Variants in SLC44A5 observed in about 807,000 individuals in gnomAD.
The protein encoded by SLC44A5 is solute carrier family 44 member 5, also known as choline transporter-like protein 5.
In SLC44A5, 57 loss-of-function variants were observed where a neutral mutation model predicts 101.8. The ratio of observed to expected loss-of-function variants is 0.56; its 90% CI spans 0.45 to 0.70. SLC44A5 has a LOEUF of 0.70. Ranked by LOEUF, SLC44A5 falls within the 30% of genes least tolerant of loss-of-function variation. The pLI is 0.00. For missense variants in SLC44A5, 737 were observed against 853.1 expected (o/e 0.86, Z 1.70); for synonymous variants, 281 against 290.9 (o/e 0.97, Z 0.35).
chr1:75,655,377 C>T, the SLC44A5 span, among the ~76,000 whole-genome samples: 1 of 152,154 alleles, frequency 6.6e-6, no homozygotes, highest in Non-Finnish European at 1.5e-5. Context: ...TTTAGGCTAG[C>T]CCTGGGGCAG....
intron 13 of SLC44A5, among the ~76,000 whole-genome samples, chr1:75,226,560 T>C (rs1647199473): frequency 6.6e-6 from 1 of 152,104 alleles, no homozygotes; most frequent in Admixed American, 6.6e-5. Flanking sequence ...TATCCTTGAA[T>C]GAAGTGGCAA....
intron 7 of SLC44A5, among the ~76,000 whole-genome samples, chr1:75,248,244 G>C (rs992063640): frequency 1.3e-5 from 2 of 152,106 alleles, no homozygotes; most frequent in African/African-American, 4.8e-5. Context: ...GCCTCACTAA[G>C]AAGGTAACAT....
At chr1:75,231,373 C>A (rs1035926574) in intron 12 of SLC44A5, among the ~76,000 whole-genome samples, 6 of 152,144 alleles carry the variant, frequency 3.9e-5, no homozygotes, top group African/African-American at 1.4e-4. Flanking sequence ...TTATATAAAA[C>A]AATACAGCGC....
intron 3 of SLC44A5, among the ~76,000 whole-genome samples, chr1:75,376,144 C>T (rs1244131568): frequency 2.0e-5 from 3 of 152,228 alleles, no homozygotes; most frequent in Admixed American, 6.5e-5. Flanking sequence ...TAAAAAACGG[C>T]GCACGACGAG....
At chr1:75,344,533 C>G (rs1658110146) in intron 3 of SLC44A5, among the ~76,000 whole-genome samples, 1 of 152,030 alleles carries the variant, frequency 6.6e-6, no homozygotes, top group South Asian at 2.1e-4. Flanking sequence ...AATGTGATCA[C>G]AAGGGTACTT....
chr1:75,593,008 A>T (rs1674436134), intron 1 of SLC44A5, among the ~76,000 whole-genome samples: 1 of 152,154 alleles, frequency 6.6e-6, no homozygotes, highest in African/African-American at 2.4e-5. Context: ...TATTAAGTTT[A>T]AAAGTTTCTG....
chr1:75,643,791 T>C, the SLC44A5 span, among the ~76,000 whole-genome samples: 5 of 152,254 alleles, frequency 3.3e-5, no homozygotes, highest in Non-Finnish European at 5.9e-5. Flanking sequence ...TCCTCAGCCA[T>C]GTGGGACTGT....
chr1:75,660,000 T>TA, the SLC44A5 span, among the ~76,000 whole-genome samples: 28 of 152,232 alleles, frequency 1.8e-4, 1 homozygote, highest in East Asian at 4.3e-3. Flanking sequence ...GGCTAGGAGT[T>TA]AGAGACCAGC....
intron 5 of SLC44A5, among the ~76,000 whole-genome samples, chr1:75,279,143 T>C (rs1282066581): frequency 1.3e-5 from 2 of 152,210 alleles, no homozygotes; most frequent in African/African-American, 2.4e-5. Context: ...GATACTAAAA[T>C]TTATTCCTTT....
intron 1 of SLC44A5, among the ~76,000 whole-genome samples, chr1:75,563,444 C>A (rs1246917454): frequency 6.6e-6 from 1 of 151,924 alleles, no homozygotes; most frequent in African/African-American, 2.4e-5. Flanking sequence ...ACATACTCTG[C>A]ATGCCAAAAT....
chr1:75,261,029 G>A (rs968215674), intron 6 of SLC44A5, among the ~76,000 whole-genome samples: 12 of 151,676 alleles, frequency 7.9e-5, no homozygotes, highest in South Asian at 2.1e-4. Flanking sequence ...AAAGCAGTCT[G>A]TAGAGGGACA....
intron 2 of SLC44A5, among the ~76,000 whole-genome samples, chr1:75,412,821 T>A (rs936686385): frequency 3.3e-5 from 5 of 152,176 alleles, no homozygotes; most frequent in Non-Finnish European, 7.3e-5. Context: ...ATGCTATCTA[T>A]GCAACCCACT....
chr1:75,406,616 G>C (rs886102456), intron 2 of SLC44A5, among the ~76,000 whole-genome samples: 14 of 152,078 alleles, frequency 9.2e-5, no homozygotes, highest in African/African-American at 2.9e-4. Context: ...AAAAGCACAC[G>C]ATTATCTTAA....
At chr1:75,328,931 C>A (rs1446330443) in intron 4 of SLC44A5, among the ~76,000 whole-genome samples, 2 of 152,180 alleles carry the variant, frequency 1.3e-5, no homozygotes. Flanking sequence ...ATGCAGACAG[C>A]CTCCTGTCTC....
chr1:75,633,036 A>G, the SLC44A5 span, among the ~76,000 whole-genome samples: 1 of 152,182 alleles, frequency 6.6e-6, no homozygotes, highest in Non-Finnish European at 1.5e-5. Flanking sequence ...TGGAAAAGCT[A>G]TACACACACT....
intron 11 of SLC44A5, among the ~76,000 whole-genome samples, chr1:75,234,405 G>A (rs1647881751): frequency 6.6e-6 from 1 of 152,012 alleles, no homozygotes; most frequent in South Asian, 2.1e-4. Flanking sequence ...TGATTTATTG[G>A]AGACAGTTGC....
the SLC44A5 span, among the ~76,000 whole-genome samples, chr1:75,630,872 G>A: frequency 6.6e-6 from 1 of 152,174 alleles, no homozygotes; most frequent in Non-Finnish European, 1.5e-5. Flanking sequence ...CTGTCTTTCA[G>A]GTCCCCAACT....
the SLC44A5 span, among the ~76,000 whole-genome samples, chr1:75,721,663 T>C: frequency 1.3e-5 from 2 of 152,190 alleles, no homozygotes; most frequent in Admixed American, 1.3e-4. Flanking sequence ...TCTGGTAACT[T>C]GCAACTGATA....
chr1:75,619,090 A>G, the SLC44A5 span, among the ~76,000 whole-genome samples: 212 of 46,630 alleles, frequency 4.5e-3, 1 homozygote, highest in African/African-American at 0.012. Context: ...GGGGGGGGGG[A>G]AGGAAAGAAG....
Sources: gnomAD v4.1 joint callset for allele counts (sites outside exome capture counted in the v4.1 genomes callset) on GRCh38, gnomAD v4.1.1 for gene constraint, MANE v1.5 for transcripts, NCBI Gene and HGNC (gene_info 2026-07-23, HGNC 2026-07-21) for gene names.